The following RAB38 variants were observed in gnomAD, a reference collection of about 807,000 sequenced individuals.
RAB38 encodes the protein ras-related protein Rab-38.
Under a neutral mutation model 18.4 loss-of-function variants are expected in RAB38, and 15 were observed. The observed-to-expected ratio is 0.82, with a 90% CI of 0.55 to 1.26. The LOEUF (loss-of-function observed/expected upper bound fraction) is 1.26. Among genes scored for constraint, RAB38 ranks in the 50% most tolerant of loss-of-function variants. The pLI is 0.00. For missense variants in RAB38, 294 were observed against 267.4 expected (o/e 1.10, Z -0.69); for synonymous variants, 101 against 104.4 (o/e 0.97, Z 0.20).
the RAB38 span, among the ~76,000 whole-genome samples, chr11:88,047,723 T>C: frequency 1.3e-5 from 2 of 152,160 alleles, no homozygotes; most frequent in Admixed American, 1.3e-4. Context: ...AGGCACCAGA[T>C]CCCATTGCTC....
At chr11:87,824,599 T>C in the RAB38 span, among the ~76,000 whole-genome samples, 1 of 151,976 alleles carries the variant, frequency 6.6e-6, no homozygotes, top group Non-Finnish European at 1.5e-5. Flanking sequence ...AAAAAGACAC[T>C]AAGAGATTAA....
the RAB38 span, among the ~76,000 whole-genome samples, chr11:87,976,633 A>G: frequency 3.4e-5 from 4 of 116,730 alleles, no homozygotes; most frequent in African/African-American, 1.0e-4. Flanking sequence ...ATAAATATAT[A>G]TGATTTTATA....
chr11:88,028,467 G>C, the RAB38 span, among the ~76,000 whole-genome samples: 20 of 152,100 alleles, frequency 1.3e-4, no homozygotes, highest in Non-Finnish European at 1.9e-4. Context: ...AGGCAAATAA[G>C]TTGAAAACTT....
chr11:88,038,133 T>A, the RAB38 span, among the ~76,000 whole-genome samples: 361 of 152,260 alleles, frequency 2.4e-3, 1 homozygote, highest in Middle Eastern at 6.8e-3. Context: ...TATCCCATTG[T>A]CTCTAGCTTT....
At chr11:87,976,934 C>T in the RAB38 span, among the ~76,000 whole-genome samples, 125 of 19,306 alleles carry the variant, frequency 6.5e-3, 49 homozygotes, top group Non-Finnish European at 8.3e-3. Flanking sequence ...TTACATTATA[C>T]AAGTATATTA....
intron 2 of RAB38, among the ~76,000 whole-genome samples, chr11:88,142,416 C>T (rs921315839): frequency 2.6e-5 from 4 of 152,210 alleles, no homozygotes; most frequent in African/African-American, 7.2e-5. Flanking sequence ...AAGTTGCACA[C>T]ATAATTTCAA....
At chr11:88,015,969 A>G in the RAB38 span, among the ~76,000 whole-genome samples, 1 of 151,940 alleles carries the variant, frequency 6.6e-6, no homozygotes, top group Non-Finnish European at 1.5e-5. Context: ...CACCATATCC[A>G]CCACCTCCCA....
chr11:87,950,660 G>C, the RAB38 span, among the ~76,000 whole-genome samples: 1 of 152,124 alleles, frequency 6.6e-6, no homozygotes, highest in Non-Finnish European at 1.5e-5. Context: ...AGTTTGGCTG[G>C]ATATGAAATT....
chr11:87,887,401 A>C, the RAB38 span, among the ~76,000 whole-genome samples: 2 of 151,870 alleles, frequency 1.3e-5, no homozygotes, highest in Admixed American at 6.6e-5. Flanking sequence ...AATACTTAGC[A>C]TATGCTCCGC....
intron 1 of RAB38, chr11:88,166,292 TCTC>T (rs1265053831): frequency 6.6e-6 from 1 of 152,168 alleles, no homozygotes; most frequent in African/African-American, 2.4e-5. Context: ...TATCTCCTCT[TCTC>T]CACTGCACGA....
the RAB38 span, among the ~76,000 whole-genome samples, chr11:87,970,700 G>C: frequency 2.6e-5 from 4 of 152,088 alleles, no homozygotes; most frequent in African/African-American, 9.7e-5. Flanking sequence ...AAGGGCGCTA[G>C]GGTGAAGGAG....
chr11:87,841,819 T>G, the RAB38 span, among the ~76,000 whole-genome samples: 1 of 152,186 alleles, frequency 6.6e-6, no homozygotes, highest in East Asian at 1.9e-4. Context: ...AACCAGAATA[T>G]CTGGGCAACA....
At chr11:87,943,315 G>A in the RAB38 span, among the ~76,000 whole-genome samples, 26,852 of 151,992 alleles carry the variant, frequency 0.18, 3,006 homozygotes, top group African/African-American at 0.32. Context: ...ATTATAACTG[G>A]ATTTGTGGGT....
At chr11:88,025,027 G>A in the RAB38 span, among the ~76,000 whole-genome samples, 5 of 151,964 alleles carry the variant, frequency 3.3e-5, no homozygotes, top group African/African-American at 1.2e-4. Context: ...TAAATGGATT[G>A]TTTATAACAC....
downstream of RAB38, among the ~76,000 whole-genome samples, chr11:88,109,161 C>T (rs996586107): frequency 2.0e-5 from 3 of 152,112 alleles, no homozygotes; most frequent in Non-Finnish European, 4.4e-5. Flanking sequence ...ATGACCAAAA[C>T]AGCATGGTAC....
chr11:88,034,557 A>G, the RAB38 span, among the ~76,000 whole-genome samples: 1 of 152,238 alleles, frequency 6.6e-6, no homozygotes, highest in Non-Finnish European at 1.5e-5. Flanking sequence ...ATATGTTATG[A>G]CATCTTATTG....
At chr11:88,163,202 C>T (rs1301618853) in intron 1 of RAB38, among the ~76,000 whole-genome samples, 10 of 152,058 alleles carry the variant, frequency 6.6e-5, no homozygotes, top group Admixed American at 6.6e-4. Flanking sequence ...TCGGTGTCTC[C>T]ATAACACAGG....
chr11:87,907,267 T>C, the RAB38 span, among the ~76,000 whole-genome samples: 1 of 151,906 alleles, frequency 6.6e-6, no homozygotes, highest in East Asian at 1.9e-4. Context: ...AGAAATTTAA[T>C]ATTTTATTTT....
chr11:87,872,045 T>C, the RAB38 span, among the ~76,000 whole-genome samples: 1 of 151,554 alleles, frequency 6.6e-6, no homozygotes, highest in East Asian at 2.0e-4. Flanking sequence ...TATAATATAG[T>C]GGTTAATACT....
Sources: gnomAD v4.1 joint callset for allele counts (sites outside exome capture counted in the v4.1 genomes callset) on GRCh38, gnomAD v4.1.1 for gene constraint, MANE v1.5 for transcripts, NCBI Gene and HGNC (gene_info 2026-07-23, HGNC 2026-07-21) for gene names.